The following TCF12 variants were observed in gnomAD, a reference collection of about 807,000 sequenced individuals.
The protein encoded by TCF12 is transcription factor 12.
TCF12 carries 45 observed loss-of-function variants against 86.0 expected under a neutral mutation model. The ratio of observed to expected loss-of-function variants is 0.52; its 90% CI spans 0.41 to 0.67. TCF12 has a LOEUF of 0.67. TCF12 is among the 30% of genes least tolerant of loss of function. TCF12 has a pLI of 0.00. For synonymous variants in TCF12, 330 were observed against 299.6 expected, an observed-to-expected ratio of 1.10 and a Z score of -1.05; for missense variants, 881 against 859.9, an observed-to-expected ratio of 1.02 and a Z score of -0.31.
At chr15:57,151,707 G>C (rs2053772053) in intron 5 of TCF12, among the ~76,000 whole-genome samples, 1 of 151,762 alleles carries the variant, frequency 6.6e-6, no homozygotes, top group Non-Finnish European at 1.5e-5. Flanking sequence ...GGAGGTTGCA[G>C]TGAGCCGAGA....
Position 57,197,823 on chromosome 15 carries a change from T to A in TCF12, c.577T>A (p.Ser193Thr). The change falls in exon 8 of 21, where the codon TCT (serine) becomes ACT (threonine). Residue 193 changes from serine to threonine, a missense_variant and splice_region_variant. Physicochemically the swap from Ser to Thr is moderately conservative, Grantham distance 58. Around this residue, in one of 3 missense-constraint regions of TCF12, gnomAD observed 766 missense variants for 718.9 expected, o/e 1.07. Transcript: ENST00000333725. ...VRKVPPGLPS[S>T]VYAPSPNSDD... Reference sequence around the variant, plus strand: ...AAAGGTGCCTCCTGGTTTGCCTTCTTCTGTAAGTACCTATCTTTTTTTAAC... The same window carrying A: ...AAAGGTGCCTCCTGGTTTGCCTTCTACTGTAAGTACCTATCTTTTTTTAAC... 6.2e-7 allele frequency: 1 copy of A among 1,614,022 alleles called. No homozygotes were observed. The highest frequency in any genetic ancestry group is 8.5e-7 in the Non-Finnish European group (1 of 1,179,938).
At chr15:57,086,212 G>GATGATAATAATAATAATAATA (rs1555501430) in intron 4 of TCF12, among the ~76,000 whole-genome samples, 6 of 141,620 alleles carry the variant, frequency 4.2e-5, no homozygotes, top group Non-Finnish European at 7.6e-5. Context: ...GGATGATGAT[G>GATGATAATAATAATAATAATA]ATAATAATAA....
rs2061989969 is a variant in TCF12 at position 57,288,064 on chromosome 15, A to G, written c.*1919A>G. ...TATTTTTCACTGTAGCTAGTCTTTT[A>G]TACAATAATCTTGTAAGAAAATTTC... On this transcript the variant is annotated 3_prime_UTR_variant, in exon 21 of 21. Transcript: ENST00000333725. The G allele has an allele frequency of 6.6e-6, 1 of 152,646 alleles. No homozygotes were observed. Among genetic ancestry groups the G allele is most frequent in the African/African-American group, 2.4e-5 (1 of 41,464 alleles). 9.5% of individuals were successfully genotyped at this position (152,646 alleles called of 1,614,324 possible). A position where few individuals can be genotyped will look rare whatever the true frequency, so the allele number is the denominator to read the frequency against.
At chr15:57,196,865 A>G (rs1241817842) in intron 7 of TCF12, among the ~76,000 whole-genome samples, 2 of 152,210 alleles carry the variant, frequency 1.3e-5, no homozygotes, top group Non-Finnish European at 2.9e-5. Context: ...ACTGAATGAT[A>G]CTGCATTTGT....
intron 5 of TCF12, among the ~76,000 whole-genome samples, chr15:57,121,223 A>T (rs944978973): frequency 6.6e-6 from 1 of 152,190 alleles, no homozygotes; most frequent in Non-Finnish European, 1.5e-5. Flanking sequence ...GACAAAGATG[A>T]AGCTTAACTT....
At chr15:57,113,830 C>T (rs1433540816) in intron 5 of TCF12, among the ~76,000 whole-genome samples, 1 of 150,494 alleles carries the variant, frequency 6.6e-6, no homozygotes, top group African/African-American at 2.4e-5. Flanking sequence ...GTGGCATGCA[C>T]CTGTAGTCCC....
chr15:57,175,738 A>C (rs1360071328), intron 6 of TCF12, among the ~76,000 whole-genome samples: 1 of 152,230 alleles, frequency 6.6e-6, no homozygotes, highest in East Asian at 1.9e-4. Flanking sequence ...CAACTCATTC[A>C]GAGAACTAAG....
intron 5 of TCF12, among the ~76,000 whole-genome samples, chr15:57,128,513 A>G (rs1351474698): frequency 6.6e-6 from 1 of 152,136 alleles, no homozygotes; most frequent in Non-Finnish European, 1.5e-5. Flanking sequence ...TCTGCTCTGT[A>G]CTTCAGTGTT....
At chr15:57,068,402 G>A (rs1238548348) in intron 4 of TCF12, among the ~76,000 whole-genome samples, 1 of 152,148 alleles carries the variant, frequency 6.6e-6, no homozygotes, top group Non-Finnish European at 1.5e-5. Context: ...TGTATTCTAA[G>A]TGTAATAAAT....
chr15:57,075,835 T>TCTCTCTC (rs778545170), intron 4 of TCF12, among the ~76,000 whole-genome samples: 2 of 50,008 alleles, frequency 4.0e-5, no homozygotes, highest in Admixed American at 2.4e-4. Flanking sequence ...TCTCTCTCTC[T>TCTCTCTC]TTTCTTTCTT....
At chr15:56,981,345 G>A (rs938073839) in intron 3 of TCF12, among the ~76,000 whole-genome samples, 6 of 152,312 alleles carry the variant, frequency 3.9e-5, no homozygotes, top group Non-Finnish European at 7.4e-5. Flanking sequence ...ATGCATTGAT[G>A]CCTCTTTGCT....
intron 6 of TCF12, among the ~76,000 whole-genome samples, chr15:57,191,043 C>G (rs533070901): frequency 6.6e-6 from 1 of 152,128 alleles, no homozygotes; most frequent in Non-Finnish European, 1.5e-5. Context: ...AAATGAAGAA[C>G]CACGTAAGCA....
chr15:57,176,968 G>A (rs576573269), intron 6 of TCF12, among the ~76,000 whole-genome samples: 2 of 152,264 alleles, frequency 1.3e-5, no homozygotes, highest in African/African-American at 4.8e-5. Flanking sequence ...TTGGAGTCAC[G>A]AAGATTAAGA....
At chr15:57,134,627 C>A (rs1448151815) in intron 5 of TCF12, 1 of 152,102 alleles carries the variant, frequency 6.6e-6, no homozygotes, top group Non-Finnish European at 1.5e-5. Context: ...TATGAGACAA[C>A]TGTAGAAAGA....
chr15:57,028,644 A>G (rs1194315818), intron 3 of TCF12, among the ~76,000 whole-genome samples: 1 of 152,152 alleles, frequency 6.6e-6, no homozygotes, highest in Non-Finnish European at 1.5e-5. Flanking sequence ...CATTGTCTGA[A>G]TAGTCTTTTG....
At chr15:57,236,396 G>A (rs190664513) in intron 12 of TCF12, among the ~76,000 whole-genome samples, 1 of 152,264 alleles carries the variant, frequency 6.6e-6, no homozygotes. Context: ...TTACTTTTGA[G>A]AGTCTGACAT....
At chr15:57,075,839 C>CTCTCTCTCTCTCTCT (rs1567371476) in intron 4 of TCF12, among the ~76,000 whole-genome samples, 5 of 42,432 alleles carry the variant, frequency 1.2e-4, no homozygotes, top group South Asian at 1.0e-3. Flanking sequence ...TCTCTCTTTT[C>CTCTCTCTCTCTCTCT]TTTCTTTCTT....
intron 18 of TCF12, among the ~76,000 whole-genome samples, chr15:57,264,563 A>G (rs748988156): frequency 3.0e-4 from 46 of 151,826 alleles, no homozygotes; most frequent in Non-Finnish European, 6.6e-4. Context: ...TACTTTTCAA[A>G]CTTTTTTGTT....
At chr15:57,028,252 C>T (rs746436847) in intron 3 of TCF12, among the ~76,000 whole-genome samples, 17 of 151,968 alleles carry the variant, frequency 1.1e-4, no homozygotes, top group African/African-American at 1.9e-4. Flanking sequence ...TGAGCCACCG[C>T]GCCCGACTGA....
Sources: gnomAD v4.1 joint callset for allele counts (sites outside exome capture counted in the v4.1 genomes callset) on GRCh38, gnomAD v4.1.1 for gene constraint, gnomAD v4.1.1 regional missense constraint, MANE v1.5 for transcripts, NCBI Gene and HGNC (gene_info 2026-07-23, HGNC 2026-07-21) for gene names.